NCKAP1: variants seen among roughly 807,000 people sequenced by gnomAD.
NCKAP1 encodes nck-associated protein 1.
Under a neutral mutation model 151.2 loss-of-function variants are expected in NCKAP1, and 21 were observed. The observed-to-expected ratio is 0.14, with a 90% confidence interval of 0.10 to 0.20. NCKAP1 has a LOEUF of 0.20. NCKAP1 is among the 10% of genes least tolerant of loss of function. NCKAP1 has a pLI of 1.00. For missense variants in NCKAP1, 933 were observed against 1,352.1 expected, an observed-to-expected ratio of 0.69 and a Z score of 4.86; for synonymous variants, 484 against 451.8, an observed-to-expected ratio of 1.07 and a Z score of -0.90.
intron 13 of NCKAP1, among the ~76,000 whole-genome samples, chr2:182,980,917 T>G (rs1009507718): frequency 5.9e-5 from 9 of 152,174 alleles, no homozygotes; most frequent in Non-Finnish European, 1.3e-4. Context: ...AGGGTGATCT[T>G]TTTAAGTAGT....
At chr2:182,938,867 C>T (rs4233769) in intron 24 of NCKAP1, among the ~76,000 whole-genome samples, 146,883 of 152,258 alleles carry the variant, frequency 0.96, 70,854 homozygotes, top group East Asian at 0.99. Context: ...TTCAATGAGC[C>T]AGAACAAGGA....
chr2:182,959,032 G>C (rs557679800), intron 18 of NCKAP1, among the ~76,000 whole-genome samples: 2 of 152,242 alleles, frequency 1.3e-5, no homozygotes, highest in South Asian at 4.1e-4. Flanking sequence ...TTCTTTCTAA[G>C]TTTTGTGTAT....
intron 17 of NCKAP1, among the ~76,000 whole-genome samples, chr2:182,963,334 A>G (rs1697495256): frequency 6.6e-6 from 1 of 152,152 alleles, no homozygotes; most frequent in Non-Finnish European, 1.5e-5. Context: ...CTGAAAAAAG[A>G]ATACTGAATT....
intron 15 of NCKAP1, among the ~76,000 whole-genome samples, chr2:182,969,489 C>A (rs186310850): frequency 7.1e-4 from 106 of 148,526 alleles, no homozygotes; most frequent in African/African-American, 2.4e-3. Flanking sequence ...AGTAGAAAGA[C>A]CAAATAACCT....
At chr2:182,990,803 G>A (rs1283927405) in intron 8 of NCKAP1, among the ~76,000 whole-genome samples, 1 of 152,150 alleles carries the variant, frequency 6.6e-6, no homozygotes, top group East Asian at 1.9e-4. Flanking sequence ...CTTAGCTCAA[G>A]CTTCCTTCTT....
chr2:183,021,207 T>C (rs1045088332), intron 2 of NCKAP1, among the ~76,000 whole-genome samples: 3 of 152,210 alleles, frequency 2.0e-5, no homozygotes, highest in Non-Finnish European at 4.4e-5. Context: ...AGCAACATTA[T>C]TCATAATAGG....
In NCKAP1 at chr2:182,967,202, A is replaced by C; in HGVS notation, c.1628+14T>G. ...AAACTTTCAAATCCAGATTTAGAGA[A>C]AATTACAACATACCAAAATATGGAG... On this transcript the variant is annotated intron_variant, in intron 16 of 30. Transcript: ENST00000361354. 6.3e-7 allele frequency: 1 copy of C among 1,587,328 alleles called. No individual in the cohort carries two copies. Among genetic ancestry groups the C allele is most frequent in the Non-Finnish European group, 8.5e-7 (1 of 1,171,986 alleles).
At chr2:182,926,768 A>T in intron 30 of NCKAP1, 48 bp downstream of exon 30, 1 of 1,275,852 alleles carries the variant, frequency 7.8e-7, no homozygotes, top group African/African-American at 1.5e-5. Flanking sequence ...GATTCTCAGG[A>T]ACGACTGGAA....
At chr2:182,996,283 T>C (rs1267920797) in intron 6 of NCKAP1, among the ~76,000 whole-genome samples, 2 of 152,224 alleles carry the variant, frequency 1.3e-5, no homozygotes, top group African/African-American at 4.8e-5. Context: ...GAATGTCTTA[T>C]AAAAATAATA....
chr2:182,974,844 C>T (rs1697773257), intron 15 of NCKAP1, among the ~76,000 whole-genome samples: 1 of 152,006 alleles, frequency 6.6e-6, no homozygotes, highest in South Asian at 2.1e-4. Context: ...AGATAGCTAG[C>T]TAATAATGCT....
At chr2:182,986,325 C>A in intron 9 of NCKAP1, 98 bp from the exon 10 acceptor site, 1 of 1,054,162 alleles carries the variant, frequency 9.5e-7, no homozygotes, top group Non-Finnish European at 1.4e-6. Context: ...ATGACATTAT[C>A]AATTCAGAAA....
intron 18 of NCKAP1, among the ~76,000 whole-genome samples, chr2:182,958,863 C>G (rs1160197292): frequency 1.3e-5 from 2 of 152,264 alleles, no homozygotes; most frequent in East Asian, 1.9e-4. Context: ...GAAATGTGCC[C>G]AGTCCAAATT....
intron 20 of NCKAP1, among the ~76,000 whole-genome samples, chr2:182,955,765 GT>G: frequency 6.6e-6 from 1 of 151,876 alleles, no homozygotes; most frequent in South Asian, 2.1e-4. Flanking sequence ...AGTGTACTGG[GT>G]TTTTTTTCCT....
chr2:182,993,341 C>T (rs753715017), intron 8 of NCKAP1, among the ~76,000 whole-genome samples: 2 of 152,114 alleles, frequency 1.3e-5, no homozygotes, highest in Non-Finnish European at 2.9e-5. Context: ...TCTCTGGATG[C>T]AGAACCCCAG....
At position 182,962,236 on chromosome 2, in the gene NCKAP1, A is replaced by T. The variant is rs759410047; in HGVS notation, c.1804T>A (p.Phe602Ile). Reference protein sequence around the residue: ...GDRSLSLCNMFLDEMAKQARN... With the variant: ...GDRSLSLCNMILDEMAKQARN... Reference sequence around the variant, plus strand: ...GCTTGTTTGGCCATTTCATCTAGGAACATATTACATAAGGAAAGACTGCGA... The same window carrying T: ...GCTTGTTTGGCCATTTCATCTAGGATCATATTACATAAGGAAAGACTGCGA... The change falls in exon 18 of 31, where the codon TTC becomes ATC. Residue 602 changes from phenylalanine to isoleucine, a missense_variant. Transcript: ENST00000361354. 1 of 1,610,946 alleles carries T rather than the reference A, an allele frequency of 6.2e-7. No homozygotes were observed. The highest frequency in any genetic ancestry group is 8.5e-7 in the Non-Finnish European group (1 of 1,177,574).
intron 1 of NCKAP1, among the ~76,000 whole-genome samples, chr2:183,026,937 T>C (rs16823931): frequency 0.083 from 12,649 of 152,278 alleles, 663 homozygotes; most frequent in Middle Eastern, 0.15. Flanking sequence ...GTCTTTATCA[T>C]AATATATATA....
chr2:183,011,304 A>T (rs1003185230), intron 2 of NCKAP1, among the ~76,000 whole-genome samples: 1 of 152,206 alleles, frequency 6.6e-6, no homozygotes, highest in African/African-American at 2.4e-5. Flanking sequence ...AGCTTTATTA[A>T]GGTACAGTTT....
intron 2 of NCKAP1, among the ~76,000 whole-genome samples, chr2:183,020,265 C>A (rs567168462): frequency 6.6e-6 from 1 of 151,876 alleles, no homozygotes; most frequent in African/African-American, 2.4e-5. Flanking sequence ...AAGTTTGAGA[C>A]CAGCCTGGTC....
At chr2:182,969,439 T>G (rs368176215) in intron 15 of NCKAP1, among the ~76,000 whole-genome samples, 1 of 150,314 alleles carries the variant, frequency 6.7e-6, no homozygotes, top group South Asian at 2.1e-4. Context: ...AAACAGTAGT[T>G]AAGAGGAAAG....
Sources: allele counts gnomAD v4.1 joint callset (sites outside exome capture counted in the v4.1 genomes callset), GRCh38; gene constraint gnomAD v4.1.1; transcripts MANE v1.5; gene names NCBI Gene and HGNC (gene_info 2026-07-23, HGNC 2026-07-21).